Variants in B4GALT1 observed in about 807,000 individuals in gnomAD.
B4GALT1 encodes the protein beta-1,4-galactosyltransferase 1, also known as N-acetyllactosamine synthase.
Under a neutral mutation model 34.9 loss-of-function variants are expected in B4GALT1, and 16 were observed. That is an observed-to-expected ratio of 0.46 (90% confidence interval 0.31 to 0.70). B4GALT1 has a LOEUF of 0.70. B4GALT1 is among the 30% of genes least tolerant of loss of function. The pLI is 0.05. For missense variants in B4GALT1, 445 were observed against 530.5 expected, an observed-to-expected ratio of 0.84 and a Z score of 1.58; for synonymous variants, 221 against 218.1, an observed-to-expected ratio of 1.01 and a Z score of -0.12.
Position 33,150,606 on chromosome 9 carries a change from A to G in B4GALT1, c.413-15182T>C, listed in dbSNP as rs76433813. ...AAGGGTGGGAGGAGAATGTGACTAC[A>G]AGAGGGATTTTTTTGGGGTGATGGA... On this transcript the variant is annotated intron_variant, in intron 1 of 5. Coordinates refer to ENST00000379731, the MANE Select transcript of B4GALT1 (RefSeq NM_001497.4). Among the ~76,000 whole-genome samples the G allele has an allele frequency of 4.6e-5, 7 of 152,326 alleles. No homozygotes were observed. The East Asian group carries it at 9.6e-4, about 21-fold the overall frequency.
chr9:33,167,377 CG>C (rs1321717107), upstream of B4GALT1: 4 of 344,110 alleles, frequency 1.2e-5, no homozygotes, highest in Non-Finnish European at 1.7e-5. Flanking sequence ...AGGGGAGGGG[CG>C]GGGCCCCGGC....
chr9:33,179,939 C>T, the B4GALT1 span: 1 of 152,200 alleles, frequency 6.6e-6, no homozygotes, highest in Non-Finnish European at 1.5e-5. Flanking sequence ...TCAGTAATAT[C>T]AAGTTTGTTC....
chr9:33,147,976 A>G (rs940216260), intron 1 of B4GALT1, among the ~76,000 whole-genome samples: 5 of 152,118 alleles, frequency 3.3e-5, no homozygotes, highest in Non-Finnish European at 7.4e-5. Flanking sequence ...CGAGGCCACA[A>G]TGAGTCATGA....
At chr9:33,176,519 C>A in the B4GALT1 span, among the ~76,000 whole-genome samples, 1 of 152,160 alleles carries the variant, frequency 6.6e-6, no homozygotes, top group Admixed American at 6.5e-5. Flanking sequence ...AACAGTCTTA[C>A]AACCATAGAA....
At chr9:33,126,677 A>G (rs1417560708) in intron 2 of B4GALT1, among the ~76,000 whole-genome samples, 1 of 28,638 alleles carries the variant, frequency 3.5e-5, no homozygotes, top group East Asian at 5.1e-4. Flanking sequence ...GGTAGCTCAG[A>G]GCTCTCAACA....
At chr9:33,162,324 C>G (rs901143270) in intron 1 of B4GALT1, among the ~76,000 whole-genome samples, 6 of 152,128 alleles carry the variant, frequency 3.9e-5, no homozygotes, top group South Asian at 2.1e-4. Flanking sequence ...GATAAATACA[C>G]ACTTTGGTTC....
intron 2 of B4GALT1, among the ~76,000 whole-genome samples, chr9:33,126,667 G>GTTAACATTTTTGACTATT (rs1358355119): frequency 3.0e-5 from 1 of 32,838 alleles, no homozygotes; most frequent in African/African-American, 6.8e-5. Flanking sequence ...ATAGCAATAT[G>GTTAACATTTTTGACTATT]GTAGCTCAGA....
intron 2 of B4GALT1, among the ~76,000 whole-genome samples, chr9:33,132,931 C>G (rs575558332): frequency 6.6e-6 from 1 of 152,176 alleles, no homozygotes; most frequent in South Asian, 2.1e-4. Flanking sequence ...GAGACAGAGT[C>G]TCACTCTGTT....
exon 3 of B4GALT1, chr9:33,104,101 C>A (rs765256093): frequency 7.9e-5 from 12 of 152,130 alleles, no homozygotes; most frequent in Admixed American, 7.2e-4. Flanking sequence ...GGATTTATTT[C>A]TCTATAGTCC....
At position 33,152,370 on chromosome 9, in the gene B4GALT1, A is replaced by ATAACAT. The variant is rs1554688121; in HGVS notation, c.412+14387_412+14388insATGTTA. Among the ~76,000 whole-genome samples, 251 of 67,688 alleles carry ATAACAT rather than the reference A, an allele frequency of 3.7e-3. 1 individual carries two copies. Among genetic ancestry groups the ATAACAT allele is most frequent in the African/African-American group, 0.012 (174 of 13,976 alleles). The allele number at this position is 67,688 out of a possible 152,430, so 44.4% of individuals were successfully genotyped here. A position where few individuals can be genotyped will look rare whatever the true frequency, so the allele number is the denominator to read the frequency against. On this transcript the variant is annotated intron_variant, in intron 1 of 5. Transcript: ENST00000379731. Reference sequence around the variant, plus strand: ...ATAACATAACATAACATAACATAACAACTTCTACATAGCTAAAGAAACCAG... The same window carrying ATAACAT: ...ATAACATAACATAACATAACATAACATAACATACTTCTACATAGCTAAAGAAACCAG...
chr9:33,141,671 A>G (rs1296897849), intron 1 of B4GALT1, among the ~76,000 whole-genome samples: 1 of 152,204 alleles, frequency 6.6e-6, no homozygotes, highest in Non-Finnish European at 1.5e-5. Flanking sequence ...AAAGCTTTGC[A>G]AAGAAGCAGC....
the B4GALT1 span, among the ~76,000 whole-genome samples, chr9:33,178,314 G>C: frequency 1.3e-5 from 2 of 152,102 alleles, no homozygotes; most frequent in African/African-American, 4.8e-5. Context: ...TCAGGCCAAG[G>C]CTCAGAAGTT....
At chr9:33,183,993 G>A in the B4GALT1 span, among the ~76,000 whole-genome samples, 2 of 151,976 alleles carry the variant, frequency 1.3e-5, no homozygotes, top group Admixed American at 1.3e-4. Context: ...ACAGGGAGGG[G>A]AACATCACAC....
intron 1 of B4GALT1, among the ~76,000 whole-genome samples, chr9:33,157,124 A>ACT (rs1840608030): frequency 7.7e-6 from 1 of 130,022 alleles, no homozygotes; most frequent in Non-Finnish European, 1.7e-5. Context: ...AGGGAACTAC[A>ACT]CACACACACA....
intron 2 of B4GALT1, among the ~76,000 whole-genome samples, chr9:33,126,657 A>G (rs987537258): frequency 6.6e-6 from 1 of 152,014 alleles, no homozygotes; most frequent in Non-Finnish European, 1.5e-5. Context: ...ATTGTTAACC[A>G]TAGCAATATG....
chr9:33,170,215 C>T (rs905307712), upstream of B4GALT1, among the ~76,000 whole-genome samples: 2 of 152,052 alleles, frequency 1.3e-5, no homozygotes, highest in African/African-American at 4.8e-5. Context: ...CGTGATCTGC[C>T]TGCCTCGGCC....
At chr9:33,173,591 GGTGTGTGTGT>G in the B4GALT1 span, among the ~76,000 whole-genome samples, 9 of 143,062 alleles carry the variant, frequency 6.3e-5, no homozygotes, top group South Asian at 4.6e-4. Context: ...AAATAAGAAT[GGTGTGTGTGT>G]GTGTGTGTGT....
chr9:33,152,632 T>C (rs1587746854), intron 1 of B4GALT1, among the ~76,000 whole-genome samples: 1 of 150,820 alleles, frequency 6.6e-6, no homozygotes, highest in Non-Finnish European at 1.5e-5. Flanking sequence ...ATCCCAGCAC[T>C]TTGGGAGGCC....
At chr9:33,150,973 A>T (rs1840508741) in intron 1 of B4GALT1, among the ~76,000 whole-genome samples, 1 of 151,656 alleles carries the variant, frequency 6.6e-6, no homozygotes, top group South Asian at 2.1e-4. Context: ...CTGGATGGAA[A>T]GAAGGAAGGA....
Sources: allele counts gnomAD v4.1 joint callset (sites outside exome capture counted in the v4.1 genomes callset), GRCh38; gene constraint gnomAD v4.1.1; transcripts MANE v1.5; gene names NCBI Gene and HGNC (gene_info 2026-07-23, HGNC 2026-07-21).